USH1C: variants seen among roughly 807,000 people sequenced by gnomAD.
The protein encoded by USH1C is USH1 protein network component harmonin.
A neutral mutation model predicts 119.3 loss-of-function variants in USH1C; 90 were observed. The ratio of observed to expected loss-of-function variants is 0.75; its 90% CI spans 0.64 to 0.90. USH1C has a LOEUF of 0.90. USH1C is among the 40% of genes least tolerant of loss of function. The pLI, the probability that USH1C is intolerant of heterozygous loss-of-function variation, is 0.00. For missense variants in USH1C, 1,165 were observed against 1,167.7 expected (o/e 1.00, Z 0.03); for synonymous variants, 465 against 443.3 (o/e 1.05, Z -0.62).
intron 9 of USH1C, 142 bp downstream of exon 9, chr11:17,524,309 T>C (rs899686073): frequency 2.3e-6 from 2 of 880,584 alleles, no homozygotes; most frequent in Non-Finnish European, 3.7e-6. Flanking sequence ...AAGCCTTCTC[T>C]GCAGGGTGGG....
intron 8 of USH1C, 36 bp downstream of exon 8, chr11:17,526,311 G>A (rs1185125475): frequency 2.5e-6 from 4 of 1,576,378 alleles, no homozygotes; most frequent in African/African-American, 2.7e-5. Context: ...GGGGTGCACT[G>A]GCCACGAATG....
chr11:17,531,113 C>T lies in USH1C; in HGVS notation c.387+41G>A, dbSNP rs762184529. On this transcript the variant is annotated intron_variant, in intron 4 of 26. Coordinates refer to ENST00000005226, the MANE Select transcript of USH1C (RefSeq NM_153676.4). The surrounding 1 kb of genome is among the most constrained non-coding windows in gnomAD (Gnocchi z 4.2). Reference sequence around the variant, plus strand: ...ATGAATGAGGGGGAGGCAGGAGGTCCGAGGCCCTCGCTCCCCCTCCCCCGG... The same window carrying T: ...ATGAATGAGGGGGAGGCAGGAGGTCTGAGGCCCTCGCTCCCCCTCCCCCGG... 25 of 1,612,804 alleles carry T rather than the reference C, an allele frequency of 1.6e-5. No homozygotes were observed. Among genetic ancestry groups the T allele is most frequent in the South Asian group, 1.1e-4 (10 of 91,004 alleles).
intron 14 of USH1C, among the ~76,000 whole-genome samples, chr11:17,519,066 C>T (rs1175767538): frequency 2.0e-5 from 3 of 150,852 alleles, no homozygotes; most frequent in African/African-American, 7.4e-5. Context: ...GGCATAGAAG[C>T]CTGAGTCAGG....
Position 17,504,664 on chromosome 11 carries a change from G to A in USH1C, c.2167C>T (p.Gln723Ter), listed in dbSNP as rs146451547. The change falls in exon 20 of 27, where the codon CAG (glutamine) becomes TAG (stop). Residue 723 changes from glutamine to a stop codon, truncating the protein, a stop_gained. Transcript: ENST00000005226. LOFTEE classifies it high-confidence loss of function. ...CAGTTTACTTGTCTGAATGCTGTCT[G>A]ATAAACCACCATCCTCTTCAACATC... Reference protein sequence around the residue: ...QEMLKRMVVYQTAFRQDFRKY... With the variant: ...QEMLKRMVVY 1.3e-4 allele frequency: 209 copies of A among 1,613,944 alleles called. No individual in the cohort carries two copies. In the African/African-American group the frequency reaches 2.7e-3, roughly 21 times the overall value.
rs554783885 is a variant in USH1C, at chr11:17,529,436, C to T, written c.387+1718G>A. Among the ~76,000 whole-genome samples, 3 of 152,338 alleles carry T rather than the reference C, an allele frequency of 2.0e-5. No homozygotes were observed. The South Asian group carries it at 6.2e-4, about 32-fold the overall frequency. On this transcript the variant is annotated intron_variant, in intron 4 of 26. Transcript: ENST00000005226. ...GGTCAAATCAGCACAGGTCTTTAGC[C>T]CAGCCGGGCTGTATCTGAACCTGCT...
intron 20 of USH1C, among the ~76,000 whole-genome samples, chr11:17,503,478 A>G (rs910548635): frequency 3.9e-5 from 6 of 152,170 alleles, no homozygotes; most frequent in African/African-American, 1.4e-4. Flanking sequence ...AGAGGAAGAA[A>G]CTGAGGCCCA....
intron 11 of USH1C, 77 bp downstream of exon 11, chr11:17,523,134 G>C (rs1298388778): frequency 6.3e-7 from 1 of 1,586,400 alleles, no homozygotes; most frequent in Non-Finnish European, 8.7e-7. Context: ...CACCCTGGGA[G>C]TGTGTGGCAG....
intron 4 of USH1C, among the ~76,000 whole-genome samples, chr11:17,528,504 C>T (rs1047396976): frequency 7.9e-5 from 12 of 152,216 alleles, no homozygotes; most frequent in Non-Finnish European, 1.5e-4. Flanking sequence ...GGAGAGGTTC[C>T]GGTCTGAGGC....
At chr11:17,523,723 G>C (rs1850532077) in intron 9 of USH1C, among the ~76,000 whole-genome samples, 1 of 152,186 alleles carries the variant, frequency 6.6e-6, no homozygotes, top group East Asian at 1.9e-4. Flanking sequence ...ACCATTACAT[G>C]TTCATTTCTT....
intron 2 of USH1C, among the ~76,000 whole-genome samples, chr11:17,532,813 C>G (rs1592026689): frequency 6.6e-6 from 1 of 152,212 alleles, no homozygotes; most frequent in East Asian, 1.9e-4. Context: ...GAAATTGGAT[C>G]TAATTCATTT....
chr11:17,518,791 G>A (rs764475727), intron 14 of USH1C, among the ~76,000 whole-genome samples: 35 of 152,216 alleles, frequency 2.3e-4, no homozygotes, highest in Admixed American at 6.5e-4. Context: ...AGGTGGAGAC[G>A]GGCAGATCAC....
In USH1C at chr11:17,523,249, T is replaced by G; in HGVS notation, c.838A>C (p.Ser280Arg). Residue 280 changes from serine to arginine, a missense_variant, in exon 11 of 27, where the codon AGT becomes CGT. By Grantham distance (110) the Ser-to-Arg change is moderately radical. Coordinates refer to ENST00000005226, the MANE Select transcript of USH1C (RefSeq NM_153676.4). ...DHKEAVNVLK[S>R]SRSLTISIVA... ...ATGGAGATGGTCAGGCTGCGGCTAC[T>G]CTTCAGCACATTTACAGCCTGTGGG... 6.8e-6 allele frequency: 11 copies of G among 1,614,174 alleles called. No homozygotes were observed. The highest frequency in any genetic ancestry group is 9.3e-6 in the Non-Finnish European group (11 of 1,180,016).
intron 1 of USH1C, among the ~76,000 whole-genome samples, chr11:17,541,189 C>G (rs1851452567): frequency 6.6e-6 from 1 of 152,198 alleles, no homozygotes; most frequent in Non-Finnish European, 1.5e-5. Context: ...TACTATCTCT[C>G]TCTCCCCATC....
intron 14 of USH1C, chr11:17,517,509 A>G: frequency 1.9e-6 from 3 of 1,562,072 alleles, no homozygotes; most frequent in Non-Finnish European, 2.6e-6. Flanking sequence ...CTGGTGAACC[A>G]AAAGGGACTT....
At chr11:17,504,249 G>A (rs927468753) in intron 20 of USH1C, among the ~76,000 whole-genome samples, 5 of 152,266 alleles carry the variant, frequency 3.3e-5, no homozygotes, top group South Asian at 2.1e-4. Flanking sequence ...TGATCTGCCC[G>A]GAGAAGAAGA....
intron 23 of USH1C, among the ~76,000 whole-genome samples, chr11:17,499,715 C>A (rs1849366726): frequency 6.6e-6 from 1 of 152,236 alleles, no homozygotes; most frequent in South Asian, 2.1e-4. Context: ...TGTGAAGTCA[C>A]CAAGGTCATG....
At chr11:17,509,312 A>G (rs202145129) in intron 18 of USH1C, 44 bp downstream of exon 18, 8 of 1,523,642 alleles carry the variant, frequency 5.3e-6, no homozygotes, top group Non-Finnish European at 7.1e-6. Context: ...AGTTCTCCCC[A>G]CTCTTCCTAC....
Position 17,524,422 on chromosome 11 carries a change from C to T in USH1C, c.759+29G>A, listed in dbSNP as rs1198546727. The T allele has an allele frequency of 4.5e-6, 7 of 1,556,740 alleles. No homozygotes were observed. The African/African-American group carries it at 9.6e-5, about 21-fold the overall frequency. On this transcript the variant is annotated intron_variant, in intron 9 of 26. Transcript: ENST00000005226. ...AGTCTGACCCAATTTCCAGTGGGCC[C>T]CCACTGGGGCCGGCCCAGCGTCACT...
intron 1 of USH1C, 62 bp from the exon 2 acceptor site, chr11:17,533,384 C>T: frequency 4.0e-6 from 5 of 1,255,854 alleles, no homozygotes; most frequent in South Asian, 1.2e-5. Flanking sequence ...TAGCAGACCT[C>T]AGGGAGGAGA....
Sources: allele counts gnomAD v4.1 joint callset (sites outside exome capture counted in the v4.1 genomes callset), GRCh38; gene constraint gnomAD v4.1.1; non-coding constraint Gnocchi (gnomAD v3.1); transcripts MANE v1.5; gene names NCBI Gene and HGNC (gene_info 2026-07-23, HGNC 2026-07-21).